The following CHD9 variants were observed in gnomAD, a reference collection of about 807,000 sequenced individuals.
The protein encoded by CHD9 is ATP-dependent chromatin remodeler CHD9.
A neutral mutation model predicts 316.1 loss-of-function variants in CHD9; 77 were observed. The ratio of observed to expected loss-of-function variants is 0.24; its 90% CI spans 0.20 to 0.29. CHD9 has a LOEUF of 0.29. Ranked by LOEUF, CHD9 falls within the 10% of genes least tolerant of loss-of-function variation. The probability of loss-of-function intolerance (pLI) is 1.00; values close to 1 mark genes in which losing one functional copy is unlikely to be tolerated. For synonymous variants in CHD9, 1,129 were observed against 1,158.3 expected (o/e 0.97, Z 0.51); for missense variants, 2,763 against 3,438.1 (o/e 0.80, Z 4.91).
chr16:53,119,604 A>G (rs2038582684), intron 1 of CHD9, among the ~76,000 whole-genome samples: 1 of 152,150 alleles, frequency 6.6e-6, no homozygotes, highest in Non-Finnish European at 1.5e-5. Flanking sequence ...AGGCCAAGGC[A>G]GGTGGATCAC....
intron 1 of CHD9, among the ~76,000 whole-genome samples, chr16:53,063,809 G>T (rs1318033299): frequency 6.7e-6 from 1 of 149,838 alleles, no homozygotes; most frequent in Non-Finnish European, 1.5e-5. Context: ...GGGATTACAG[G>T]CATAAGCCAC....
At chr16:53,209,416 A>G (rs1165348195) in intron 2 of CHD9, 66 bp from the exon 3 acceptor site, 1 of 1,089,196 alleles carries the variant, frequency 9.2e-7, no homozygotes, top group Admixed American at 2.9e-5. Context: ...AGATTTTCAG[A>G]TATTTGTGAC....
Position 53,267,400 on chromosome 16 carries a change from A to G in CHD9, c.4427A>G (p.Glu1476Gly). Residue 1476 changes from glutamate to glycine, a missense_variant, in exon 21 of 39, where the codon GAA (glutamate) becomes GGA (glycine). Coordinates refer to ENST00000447540, the MANE Select transcript of CHD9 (RefSeq NM_001308319.2). The stretch of plus-strand genomic sequence containing the variant: ...TCTGAAGCTGAAAGTGAAGGAGATG[A>G]AAAGCCCAAACTCCGGAGACCCTGT... ...ELSEAESEGD[E>G]KPKLRRPCDR... The G allele has an allele frequency of 1.2e-6, 2 of 1,613,176 alleles. No individual in the cohort carries two copies. Among genetic ancestry groups the G allele is most frequent in the Non-Finnish European group, 1.7e-6 (2 of 1,179,410 alleles).
chr16:53,226,881 C>T (rs2047700008), intron 5 of CHD9, among the ~76,000 whole-genome samples: 2 of 152,038 alleles, frequency 1.3e-5, no homozygotes, highest in Admixed American at 1.3e-4. Flanking sequence ...GTGTATAAAC[C>T]CCTTTGTCTG....
chr16:53,296,844 A>G, intron 29 of CHD9, 112 bp from the exon 30 acceptor site: 1 of 671,050 alleles, frequency 1.5e-6, no homozygotes, highest in Non-Finnish European at 2.5e-6. Context: ...ATTTAATCCT[A>G]TAGTGTTAGG....
intron 38 of CHD9, among the ~76,000 whole-genome samples, chr16:53,322,912 AT>A (rs1174190969): frequency 6.6e-6 from 1 of 152,168 alleles, no homozygotes; most frequent in Non-Finnish European, 1.5e-5. Flanking sequence ...ATGATGGATG[AT>A]TTTTTTAATA....
chr16:53,138,109 G>T (rs914399510), intron 1 of CHD9, among the ~76,000 whole-genome samples: 1 of 152,036 alleles, frequency 6.6e-6, no homozygotes, highest in African/African-American at 2.4e-5. Flanking sequence ...AAGTTCCCAG[G>T]GCTACTGATA....
intron 2 of CHD9, among the ~76,000 whole-genome samples, chr16:53,187,445 A>G (rs2044119330): frequency 6.6e-6 from 1 of 152,128 alleles, no homozygotes; most frequent in Admixed American, 6.5e-5. Context: ...GTTCAAAGTT[A>G]CCGTGAGCTA....
Position 53,324,419 on chromosome 16 carries a change from G to A in CHD9, c.8218G>A (p.Glu2740Lys), listed in dbSNP as rs908656757. 1 of 1,613,832 alleles carries A rather than the reference G, an allele frequency of 6.2e-7. No individual in the cohort carries two copies. The highest frequency in any genetic ancestry group is 1.3e-5 in the African/African-American group (1 of 74,926). ...GACAAAGCCTACGGAATCTGGGACA[G>A]AAGACAAAAAGGGAAGTGACTCTAA... ...LLTKPTESGT[E>K]DKKGSDSKES... Residue 2740 changes from glutamate to lysine, a missense_variant, in exon 39 of 39, where the codon GAA (glutamate) becomes AAA (lysine). Coordinates refer to ENST00000447540, the MANE Select transcript of CHD9 (RefSeq NM_001308319.2).
At chr16:53,310,550 TAATATC>T (rs1408506768) in intron 34 of CHD9, among the ~76,000 whole-genome samples, 4 of 152,060 alleles carry the variant, frequency 2.6e-5, no homozygotes, top group Non-Finnish European at 4.4e-5. Context: ...TGTTTTTTAA[TAATATC>T]AATAGTAGGG....
At chr16:53,147,404 C>T (rs372633456) in intron 1 of CHD9, among the ~76,000 whole-genome samples, 2 of 152,198 alleles carry the variant, frequency 1.3e-5, no homozygotes, top group Admixed American at 6.6e-5. Context: ...AAGTATACAG[C>T]GCAGTGGCAT....
At chr16:53,254,290 G>A (rs940947325) in intron 17 of CHD9, 148 bp from the exon 18 acceptor site, 5 of 457,240 alleles carry the variant, frequency 1.1e-5, no homozygotes, top group African/African-American at 1.0e-4. Context: ...ATTGTGGTAA[G>A]CTCTCCCTTA....
At chr16:53,198,951 A>C (rs2045198509) in intron 2 of CHD9, among the ~76,000 whole-genome samples, 1 of 152,188 alleles carries the variant, frequency 6.6e-6, no homozygotes, top group Non-Finnish European at 1.5e-5. Context: ...AAAAATGTAA[A>C]AATCTTTTTA....
Position 53,226,464 on chromosome 16 carries a change from A to G in CHD9, c.1995A>G (p.Lys665=). ...AGGTTAAAGGTTCTATGAAAATAAA[A>G]AAGAATTCAGCTCCTTTACCTGGTG... The part of the protein sequence containing the change: ...EEEVKGSMKI[K]KNSAPLPGEQ... Residue 665 remains lysine (K), a synonymous_variant, in exon 5 of 39, where the codon AAA becomes AAG. Coordinates refer to ENST00000447540, the MANE Select transcript of CHD9 (RefSeq NM_001308319.2). 6.2e-7 allele frequency: 1 copy of G among 1,608,614 alleles called. No individual in the cohort carries two copies. Among genetic ancestry groups the G allele is most frequent in the Non-Finnish European group, 8.5e-7 (1 of 1,178,600 alleles).
chr16:53,165,394 A>C (rs1484939803), intron 2 of CHD9, among the ~76,000 whole-genome samples: 6 of 152,222 alleles, frequency 3.9e-5, no homozygotes, highest in Admixed American at 1.3e-4. Context: ...GTTATAGATG[A>C]ATAAATTTTC....
intron 13 of CHD9, 80 bp downstream of exon 13, chr16:53,243,096 T>G (rs1284369490): frequency 9.5e-7 from 1 of 1,050,792 alleles, no homozygotes; most frequent in Non-Finnish European, 1.3e-6. Context: ...ATGCTAAAAA[T>G]TTTTCTTTTT....
chr16:53,087,523 C>T (rs1455936260), intron 1 of CHD9, among the ~76,000 whole-genome samples: 2 of 152,226 alleles, frequency 1.3e-5, no homozygotes, highest in African/African-American at 4.8e-5. Flanking sequence ...TATCACATAG[C>T]TTCTCTGTGC....
intron 24 of CHD9, among the ~76,000 whole-genome samples, chr16:53,278,308 A>G (rs1567609318): frequency 6.6e-6 from 1 of 152,170 alleles, no homozygotes; most frequent in Non-Finnish European, 1.5e-5. Flanking sequence ...CCAAAGCAAG[A>G]CTAAGCCAAA....
At chr16:53,111,300 G>A (rs2037845735) in intron 1 of CHD9, among the ~76,000 whole-genome samples, 1 of 152,138 alleles carries the variant, frequency 6.6e-6, no homozygotes, top group African/African-American at 2.4e-5. Flanking sequence ...GAATCCCAGG[G>A]CTTGCAGGAG....
Sources: allele counts gnomAD v4.1 joint callset (sites outside exome capture counted in the v4.1 genomes callset), GRCh38; gene constraint gnomAD v4.1.1; transcripts MANE v1.5; gene names NCBI Gene and HGNC (gene_info 2026-07-23, HGNC 2026-07-21).